The following NT5M variants were observed in gnomAD, a reference collection of about 807,000 sequenced individuals.
NT5M encodes 5',3'-nucleotidase, mitochondrial, also known as 5'(3')-deoxyribonucleotidase, mitochondrial.
Under a neutral mutation model 22.2 loss-of-function variants are expected in NT5M, and 22 were observed. That is an observed-to-expected ratio of 0.99 (90% confidence interval 0.71 to 1.41). NT5M has a LOEUF of 1.41. Ranked by LOEUF, NT5M falls within the 40% of genes most tolerant of loss-of-function variation. NT5M has a pLI of 0.00. For synonymous variants in NT5M, 167 were observed against 133.0 expected (o/e 1.26, Z -1.76); for missense variants, 322 against 314.8 (o/e 1.02, Z -0.17).
chr17:17,325,370 G>T (rs577211934), intron 3 of NT5M, among the ~76,000 whole-genome samples: 1 of 152,212 alleles, frequency 6.6e-6, no homozygotes, highest in Admixed American at 6.5e-5. Context: ...TGGTTTCCTT[G>T]TGCATGGCAG....
At chr17:17,331,986 T>C (rs950682109) in intron 3 of NT5M, among the ~76,000 whole-genome samples, 1 of 151,576 alleles carries the variant, frequency 6.6e-6, no homozygotes, top group African/African-American at 2.4e-5. Flanking sequence ...TTCAGTGTGT[T>C]GGCCAGGATG....
chr17:17,314,482 A>AC (rs1257230593), intron 2 of NT5M, among the ~76,000 whole-genome samples: 1 of 151,918 alleles, frequency 6.6e-6, no homozygotes, highest in African/African-American at 2.4e-5. Flanking sequence ...TTTGAAGTGC[A>AC]CCCCCCTACA....
intron 3 of NT5M, among the ~76,000 whole-genome samples, chr17:17,331,767 ATTCTTT>A (rs1310863689): frequency 3.3e-5 from 5 of 150,582 alleles, no homozygotes; most frequent in Admixed American, 6.6e-5. Context: ...GTTTTATGGT[ATTCTTT>A]TTCTTTTTCT....
intron 1 of NT5M, 180 bp downstream of exon 1, chr17:17,303,997 G>C (rs2048738947): frequency 1.6e-6 from 2 of 1,241,140 alleles, no homozygotes; most frequent in Admixed American, 4.2e-5. Context: ...CCCGCGCTCA[G>C]GATCTGTTGG....
At chr17:17,310,027 T>C (rs566471289) in intron 2 of NT5M, among the ~76,000 whole-genome samples, 2 of 152,180 alleles carry the variant, frequency 1.3e-5, no homozygotes, top group South Asian at 4.1e-4. Flanking sequence ...GGCTTCACCA[T>C]GTTAGCCAGG....
At chr17:17,341,834 G>A (rs1291487180) in intron 3 of NT5M, among the ~76,000 whole-genome samples, 1 of 152,188 alleles carries the variant, frequency 6.6e-6, no homozygotes, top group African/African-American at 2.4e-5. Flanking sequence ...TTTGAGACCA[G>A]CCTGGCCAAC....
intron 2 of NT5M, among the ~76,000 whole-genome samples, chr17:17,307,462 G>A (rs1356196846): frequency 1.3e-5 from 2 of 150,026 alleles, no homozygotes; most frequent in Middle Eastern, 3.4e-3. Flanking sequence ...TATCTCAGCC[G>A]GGCGCGGTGG....
intron 1 of NT5M, among the ~76,000 whole-genome samples, chr17:17,305,543 G>T (rs960862125): frequency 6.6e-6 from 1 of 152,120 alleles, no homozygotes; most frequent in African/African-American, 2.4e-5. Context: ...TAATAAGCAC[G>T]CATTTGCCTA....
chr17:17,339,922 A>G (rs1283043421), intron 3 of NT5M, among the ~76,000 whole-genome samples: 2 of 151,996 alleles, frequency 1.3e-5, no homozygotes, highest in Non-Finnish European at 2.9e-5. Context: ...TATCAATGAT[A>G]TTGGCCTATA....
chr17:17,340,877 T>A (rs1338713016), intron 3 of NT5M, among the ~76,000 whole-genome samples: 1 of 152,026 alleles, frequency 6.6e-6, no homozygotes, highest in Non-Finnish European at 1.5e-5. Context: ...TTACTTGAAG[T>A]TTTTCTTCTT....
chr17:17,303,485 T>G lies in NT5M; in HGVS notation c.-66T>G. On this transcript the variant is annotated 5_prime_UTR_variant, in exon 1 of 5. Coordinates refer to ENST00000389022, the MANE Select transcript of NT5M (RefSeq NM_020201.4). ...GCTTCTCCTCCGCGGCGGGAATGTC[T>G]GGCCGGCTCCGGCAGCACGGCGCGG... 1 of 1,016,418 alleles carries G rather than the reference T, an allele frequency of 9.8e-7. No individual in the cohort carries two copies. The allele number at this position is 1,016,418 out of a possible 1,614,324, so 63.0% of individuals were successfully genotyped here.
At chr17:17,303,931 TGATA>T in intron 1 of NT5M, 114 bp downstream of exon 1, 1 of 1,317,312 alleles carries the variant, frequency 7.6e-7, no homozygotes, top group Non-Finnish European at 9.7e-7. Context: ...GGTGGCCCTC[TGATA>T]GAATAGGGTC....
chr17:17,339,981 G>A (rs918076529), intron 3 of NT5M, among the ~76,000 whole-genome samples: 28 of 151,982 alleles, frequency 1.8e-4, no homozygotes, highest in African/African-American at 6.5e-4. Context: ...TTGGTATCAC[G>A]GTGATACTGG....
At chr17:17,343,648 G>A (rs921529543) in intron 3 of NT5M, among the ~76,000 whole-genome samples, 5 of 152,138 alleles carry the variant, frequency 3.3e-5, no homozygotes, top group Non-Finnish European at 5.9e-5. Flanking sequence ...CTCTGCCCCA[G>A]GGTGGCAGAG....
chr17:17,314,945 C>G (rs1029438969), intron 2 of NT5M, among the ~76,000 whole-genome samples: 3 of 152,146 alleles, frequency 2.0e-5, no homozygotes, highest in Non-Finnish European at 4.4e-5. Context: ...AGTGTGTACT[C>G]TAAGCTGAAA....
intron 2 of NT5M, among the ~76,000 whole-genome samples, chr17:17,307,968 T>C (rs986062216): frequency 5.3e-5 from 8 of 152,042 alleles, no homozygotes; most frequent in African/African-American, 1.7e-4. Context: ...GAGAATAGCT[T>C]GAGCCCAGGA....
chr17:17,333,908 A>G (rs1391419249), intron 3 of NT5M, among the ~76,000 whole-genome samples: 1 of 144,854 alleles, frequency 6.9e-6, no homozygotes, highest in African/African-American at 2.6e-5. Context: ...ATCTCGGCTC[A>G]TTGCAAACTC....
In NT5M at chr17:17,336,723, G is replaced by A. The variant is rs141199356; in HGVS notation, c.430-8071G>A. On this transcript the variant is annotated intron_variant, in intron 3 of 4. Coordinates refer to ENST00000389022, the MANE Select transcript of NT5M (RefSeq NM_020201.4). ...GCACCACCACACCTGGCTAATTTTT[G>A]TATTTTTAGTAGAGGTGGGGTTTCA... Among the ~76,000 whole-genome samples the A allele has an allele frequency of 1.4e-3, 220 of 151,960 alleles. 1 individual carries two copies. The East Asian group carries it at 0.016, about 11-fold the overall frequency.
chr17:17,343,337 A>G (rs2049688457), intron 3 of NT5M, among the ~76,000 whole-genome samples: 1 of 152,178 alleles, frequency 6.6e-6, no homozygotes, highest in African/African-American at 2.4e-5. Flanking sequence ...TGAGCAGGAA[A>G]AAGCATAATA....
Sources: allele counts gnomAD v4.1 joint callset (sites outside exome capture counted in the v4.1 genomes callset), GRCh38; gene constraint gnomAD v4.1.1; transcripts MANE v1.5; gene names NCBI Gene and HGNC (gene_info 2026-07-23, HGNC 2026-07-21).